TRPM3: variants seen among roughly 807,000 people sequenced by gnomAD.
The protein encoded by TRPM3 is long transient receptor potential channel 3.
A neutral mutation model predicts 181.2 loss-of-function variants in TRPM3; 77 were observed. The observed-to-expected ratio is 0.42, with a 90% CI of 0.35 to 0.51. TRPM3 has a LOEUF of 0.51. TRPM3 is among the 20% of genes least tolerant of loss of function. The pLI is 0.01. For synonymous variants in TRPM3, 745 were observed against 796.4 expected, an observed-to-expected ratio of 0.94 and a Z score of 1.09; for missense variants, 1,759 against 2,196.7, an observed-to-expected ratio of 0.80 and a Z score of 3.98.
chr9:70,841,559 G>A (rs1434283502), intron 5 of TRPM3, among the ~76,000 whole-genome samples: 2 of 142,334 alleles, frequency 1.4e-5, no homozygotes, highest in Non-Finnish European at 3.0e-5. Context: ...ATCAACAATG[G>A]CAAAAATATG....
At chr9:71,039,445 A>T (rs1416751291) in intron 1 of TRPM3, among the ~76,000 whole-genome samples, 1 of 152,206 alleles carries the variant, frequency 6.6e-6, no homozygotes, top group Non-Finnish European at 1.5e-5. Flanking sequence ...TAATAGGAGC[A>T]ATGGATTTTT....
chr9:71,143,403 T>C (rs1043702295), intron 1 of TRPM3, among the ~76,000 whole-genome samples: 10 of 152,162 alleles, frequency 6.6e-5, no homozygotes, highest in Non-Finnish European at 5.9e-5. Context: ...TGTGTTTTCA[T>C]CATTTAGCTC....
intron 1 of TRPM3, among the ~76,000 whole-genome samples, chr9:71,416,963 T>G (rs1428754399): frequency 6.6e-6 from 1 of 152,040 alleles, no homozygotes; most frequent in Non-Finnish European, 1.5e-5. Flanking sequence ...TTACTCAGCA[T>G]ATTTTTAAGA....
Position 70,620,228 on chromosome 9 carries a change from CT to C in TRPM3, c.1976del (p.Lys659SerfsTer47). 6.2e-7 allele frequency: 1 copy of C among 1,614,216 alleles called. No homozygotes were observed. Among genetic ancestry groups the C allele is most frequent in the Non-Finnish European group, 8.5e-7 (1 of 1,180,030 alleles). Reference protein sequence around the residue: ...HELMVWAVLMKRQKMALFFWQ... With the variant: ...HELMVWAVLMXRQKMALFFWQ... ...AGAAGAACAGGGCCATCTTCTGCCG[CT>C]TCATGAGAACAGCCCACACCATGAG... On this transcript the variant is annotated frameshift_variant, in exon 16 of 26. Transcript: ENST00000677713. LOFTEE classifies it high-confidence loss of function.
At chr9:71,439,827 A>G (rs1563933964) in intron 1 of TRPM3, among the ~76,000 whole-genome samples, 1 of 152,310 alleles carries the variant, frequency 6.6e-6, no homozygotes, top group Non-Finnish European at 1.5e-5. Context: ...AATACAATAA[A>G]TACTTTTCTT....
At position 71,223,120 on chromosome 9, in the gene TRPM3, C is replaced by G. The variant is rs149528713; in HGVS notation, c.183+223533G>C. 2.2e-4 allele frequency among the ~76,000 whole-genome samples: 33 copies of G among 152,266 alleles called. No individual in the cohort carries two copies. The East Asian group carries it at 2.5e-3, about 12-fold the overall frequency. On this transcript the variant is annotated intron_variant, in intron 1 of 24. Transcript: ENST00000357533. ...GGGAATGCTTGTTCCACTCCTCCCC[C>G]CAAACCCAGGCAGCATAGCTCATAG...
chr9:71,293,741 G>A (rs1337270429), intron 1 of TRPM3, among the ~76,000 whole-genome samples: 1 of 151,850 alleles, frequency 6.6e-6, no homozygotes, highest in African/African-American at 2.4e-5. Flanking sequence ...TTTTCATGTA[G>A]GAGTAAAGGA....
intron 1 of TRPM3, among the ~76,000 whole-genome samples, chr9:70,911,360 T>C (rs2096535686): frequency 6.6e-6 from 1 of 152,200 alleles, no homozygotes. Flanking sequence ...CAAGGCTCCA[T>C]TTAGGTGATC....
intron 1 of TRPM3, among the ~76,000 whole-genome samples, chr9:71,352,037 G>A (rs1172075340): frequency 2.6e-5 from 4 of 151,814 alleles, no homozygotes; most frequent in Non-Finnish European, 5.9e-5. Context: ...CACCACACCC[G>A]GCTAATTTTT....
At chr9:71,218,339 A>C (rs2080025818) in intron 1 of TRPM3, among the ~76,000 whole-genome samples, 1 of 152,218 alleles carries the variant, frequency 6.6e-6, no homozygotes, top group African/African-American at 2.4e-5. Flanking sequence ...TAATTCATTT[A>C]ATCATAACAA....
intron 1 of TRPM3, among the ~76,000 whole-genome samples, chr9:71,103,995 A>G (rs1193023028): frequency 6.6e-6 from 1 of 151,974 alleles, no homozygotes; most frequent in Non-Finnish European, 1.5e-5. Context: ...GCTAACTGCA[A>G]CGTCCACCTC....
chr9:70,964,639 T>C (rs7865659), intron 1 of TRPM3, among the ~76,000 whole-genome samples: 31,811 of 151,968 alleles, frequency 0.21, 3,435 homozygotes, highest in South Asian at 0.24. Context: ...TTATTATAAA[T>C]AACAAGTTTC....
chr9:71,292,529 T>A (rs1160269318), intron 1 of TRPM3, among the ~76,000 whole-genome samples: 1 of 151,934 alleles, frequency 6.6e-6, no homozygotes, highest in Non-Finnish European at 1.5e-5. Flanking sequence ...AAGAACATTC[T>A]TAGAAATGTG....
intron 1 of TRPM3, among the ~76,000 whole-genome samples, chr9:71,245,705 A>AT (rs1333272110): frequency 6.6e-6 from 1 of 152,196 alleles, no homozygotes; most frequent in Admixed American, 6.5e-5. Flanking sequence ...GAATGGCTTG[A>AT]TACAGACAAG....
chr9:70,749,291 T>C (rs971838857), intron 8 of TRPM3, among the ~76,000 whole-genome samples: 2 of 152,198 alleles, frequency 1.3e-5, no homozygotes, highest in Non-Finnish European at 2.9e-5. Context: ...GAATCATTAT[T>C]GCAAATGAGA....
Position 70,549,594 on chromosome 9 carries a change from C to G in TRPM3, c.3655G>C (p.Asp1219His). 3 of 1,613,832 alleles carry G rather than the reference C, an allele frequency of 1.9e-6. No individual in the cohort carries two copies. The highest frequency in any genetic ancestry group is 2.5e-6 in the Non-Finnish European group (3 of 1,179,904). Residue 1219 changes from aspartate (D) to histidine (H), a missense_variant, in exon 25 of 26, where the codon GAT becomes CAT. Asp to His is a moderately conservative substitution (Grantham distance 81). Around this residue, in one of 8 missense-constraint regions of TRPM3, gnomAD observed 96 missense variants for 129.6 expected, o/e 0.74. Coordinates refer to ENST00000677713, the MANE Select transcript of TRPM3 (RefSeq NM_001366145.2). The stretch of plus-strand genomic sequence containing the variant: ...TCATTAGATGAGTTGAACCGATCAT[C>G]CTTTTCTCTGAAGTATTCTTCTATG... Reference protein sequence around the residue: ...QCIEEYFREKDDRFNSSNDER... With the variant: ...QCIEEYFREKHDRFNSSNDER...
rs1299957725 is a variant in TRPM3 at position 70,635,252 on chromosome 9, G to A, written c.1591C>T (p.Pro531Ser). 1 of 1,613,822 alleles carries A rather than the reference G, an allele frequency of 6.2e-7. No homozygotes were observed. Among genetic ancestry groups the A allele is most frequent in the Non-Finnish European group, 8.5e-7 (1 of 1,179,826 alleles). Residue 531 changes from proline to serine, a missense_variant, in exon 12 of 26, where the codon CCC becomes TCC. Coordinates refer to ENST00000677713, the MANE Select transcript of TRPM3 (RefSeq NM_001366145.2). ...ACCAAGTGGTACAATGTATTTGAGG[G>A]CCCATGTCTCTGAAAACAATAAAGA... ...LEELYNTRHG[P>S]SNTLYHLVRD...
chr9:70,655,609 G>A (rs949951691), intron 9 of TRPM3, among the ~76,000 whole-genome samples: 3 of 152,106 alleles, frequency 2.0e-5, no homozygotes, highest in Admixed American at 6.5e-5. Context: ...ATATGTGTGT[G>A]TGTATATATT....
intron 1 of TRPM3, among the ~76,000 whole-genome samples, chr9:71,109,844 T>A (rs1362879303): frequency 6.6e-6 from 1 of 152,066 alleles, no homozygotes; most frequent in Non-Finnish European, 1.5e-5. Context: ...TAAAGAGGAG[T>A]AACTGAACCC....
Sources: gnomAD v4.1 joint callset for allele counts (sites outside exome capture counted in the v4.1 genomes callset) on GRCh38, gnomAD v4.1.1 for gene constraint, gnomAD v4.1.1 regional missense constraint, MANE v1.5 for transcripts, NCBI Gene and HGNC (gene_info 2026-07-23, HGNC 2026-07-21) for gene names.